Variants in FOCAD observed in about 807,000 individuals in gnomAD.
FOCAD encodes the protein KIAA1797.
In FOCAD, 198 loss-of-function variants were observed where a neutral mutation model predicts 225.6. The ratio of observed to expected loss-of-function variants is 0.88; its 90% CI spans 0.78 to 0.99. The LOEUF (loss-of-function observed/expected upper bound fraction) is 0.99, where lower values mean the gene tolerates loss of function less well. Among genes scored for constraint, FOCAD ranks in the 50% least tolerant of loss-of-function variants. The probability of loss-of-function intolerance (pLI) is 0.00; values close to 1 mark genes in which losing one functional copy is unlikely to be tolerated. For missense variants in FOCAD, 2,713 were observed against 2,123.6 expected (o/e 1.28, Z -5.46); for synonymous variants, 897 against 755.0 (o/e 1.19, Z -3.08).
chr9:20,822,210 G>C (rs1232075292), intron 14 of FOCAD, among the ~76,000 whole-genome samples: 1 of 151,824 alleles, frequency 6.6e-6, no homozygotes, highest in Non-Finnish European at 1.5e-5. Context: ...ATTCCTTTCA[G>C]TTACTACCTC....
At chr9:20,830,724 C>G (rs1587334950) in intron 15 of FOCAD, among the ~76,000 whole-genome samples, 1 of 152,170 alleles carries the variant, frequency 6.6e-6, no homozygotes, top group South Asian at 2.1e-4. Flanking sequence ...GACGGCCATG[C>G]TGGAGTGCAG....
chr9:20,941,216 C>T (rs934143460), intron 28 of FOCAD, among the ~76,000 whole-genome samples: 2 of 152,116 alleles, frequency 1.3e-5, no homozygotes, highest in East Asian at 3.8e-4. Context: ...TGAAAGAACC[C>T]GCACACCTGG....
intron 15 of FOCAD, among the ~76,000 whole-genome samples, chr9:20,858,250 T>C (rs1342255498): frequency 6.6e-6 from 1 of 152,132 alleles, no homozygotes; most frequent in Non-Finnish European, 1.5e-5. Flanking sequence ...AACTTTGTTA[T>C]GGCTGCAATC....
chr9:20,989,316 CTCTT>C (rs1346126396), intron 41 of FOCAD, among the ~76,000 whole-genome samples: 1 of 152,216 alleles, frequency 6.6e-6, no homozygotes, highest in Non-Finnish European at 1.5e-5. Context: ...GTGATCTGTC[CTCTT>C]TCTTCTGATT....
chr9:20,795,051 A>G (rs1368631890), intron 11 of FOCAD, among the ~76,000 whole-genome samples: 2 of 152,228 alleles, frequency 1.3e-5, no homozygotes, highest in Non-Finnish European at 1.5e-5. Context: ...GTAAAATATA[A>G]AATAGGATAA....
intron 2 of FOCAD, among the ~76,000 whole-genome samples, chr9:20,660,779 A>G (rs1344828672): frequency 6.6e-6 from 1 of 152,158 alleles, no homozygotes; most frequent in Non-Finnish European, 1.5e-5. Flanking sequence ...TTTGAGGGAG[A>G]AGGATCAGAA....
At chr9:20,767,749 C>T (rs370060027) in intron 7 of FOCAD, among the ~76,000 whole-genome samples, 48 of 145,844 alleles carry the variant, frequency 3.3e-4, no homozygotes, top group Admixed American at 4.1e-4. Context: ...GAGTAGGTTG[C>T]GAAAATTTTC....
At chr9:20,967,703 A>G (rs751044200) in intron 35 of FOCAD, among the ~76,000 whole-genome samples, 16 of 152,056 alleles carry the variant, frequency 1.1e-4, no homozygotes, top group Non-Finnish European at 1.9e-4. Flanking sequence ...GTGTTTGTCA[A>G]TGATTTTTCT....
upstream of FOCAD, among the ~76,000 whole-genome samples, chr9:20,657,142 G>T (rs1361171814): frequency 5.3e-5 from 8 of 152,248 alleles, no homozygotes; most frequent in East Asian, 1.5e-3. Context: ...TCTGCCGAGA[G>T]ATCCGCTGTT....
intron 6 of FOCAD, among the ~76,000 whole-genome samples, chr9:20,764,171 A>C (rs180773432): frequency 6.6e-6 from 1 of 152,080 alleles, no homozygotes; most frequent in African/African-American, 2.4e-5. Context: ...GTAGATCCTC[A>C]CCTGTAGAGT....
At position 20,820,965 on chromosome 9, in the gene FOCAD, C is replaced by A; in HGVS notation, c.1687C>A (p.Arg563Ser). 1 of 1,612,314 alleles carries A rather than the reference C, an allele frequency of 6.2e-7. No individual in the cohort carries two copies. The highest frequency in any genetic ancestry group is 8.5e-7 in the Non-Finnish European group (1 of 1,178,944). Residue 563 changes from arginine to serine, a missense_variant, in exon 14 of 44, where the codon CGT becomes AGT. Transcript: ENST00000338382. ...GGACCGAGTCTATCCTGAACTGCAGCGTTTCATGGCTGTGTCTGATGTACC... is the reference window on the plus strand; with the variant it reads ...GGACCGAGTCTATCCTGAACTGCAGAGTTTCATGGCTGTGTCTGATGTACC... ...KQDRVYPELQ[R>S]FMAVSDVPSL...
At chr9:20,797,711 T>C (rs1821284494) in intron 11 of FOCAD, among the ~76,000 whole-genome samples, 1 of 152,210 alleles carries the variant, frequency 6.6e-6, no homozygotes, top group African/African-American at 2.4e-5. Flanking sequence ...CCTGAGACTT[T>C]GCTGAAGTTG....
At chr9:20,902,656 C>A (rs1170230028) in intron 21 of FOCAD, among the ~76,000 whole-genome samples, 1 of 151,788 alleles carries the variant, frequency 6.6e-6, no homozygotes, top group Admixed American at 6.6e-5. Context: ...GTTACTAGAT[C>A]ATAGTAATCT....
rs1013430885 is a variant in FOCAD at position 20,745,319 on chromosome 9, A to G, written c.392+4979A>G. On this transcript the variant is annotated intron_variant, in intron 5 of 43. Coordinates refer to ENST00000338382, the MANE Select transcript of FOCAD (RefSeq NM_001375567.1). ...TGTCCAGGCTGGTCTTGAACTCCTGAGCTCAAGCGATCCACCTGCTTCGGC... is the reference window on the plus strand; with the variant it reads ...TGTCCAGGCTGGTCTTGAACTCCTGGGCTCAAGCGATCCACCTGCTTCGGC... Among the ~76,000 whole-genome samples the G allele has an allele frequency of 4.6e-5, 7 of 152,106 alleles. No homozygotes were observed. The South Asian group carries it at 1.5e-3, about 32-fold the overall frequency.
chr9:20,774,290 C>G (rs558580489), intron 8 of FOCAD, among the ~76,000 whole-genome samples: 14 of 152,216 alleles, frequency 9.2e-5, no homozygotes, highest in South Asian at 2.1e-4. Flanking sequence ...TTTTTTGTTT[C>G]CAAGACTACA....
At position 20,976,300 on chromosome 9, in the gene FOCAD, G is replaced by A. The variant is rs567168777; in HGVS notation, c.4133-120G>A. On this transcript the variant is annotated intron_variant, in intron 35 of 43. Transcript: ENST00000338382. ...AGAGCACAGAATTGAAGCGTTGATCGCAATTGAATATGTGATATCAGATCC... is the reference window on the plus strand; with the variant it reads ...AGAGCACAGAATTGAAGCGTTGATCACAATTGAATATGTGATATCAGATCC... The A allele has an allele frequency of 1.4e-4, 127 of 882,470 alleles. No homozygotes were observed. In the African/African-American group the frequency reaches 1.7e-3, roughly 12 times the overall value. 54.7% of individuals were successfully genotyped at this position (882,470 alleles called of 1,614,324 possible). A position where few individuals can be genotyped will look rare whatever the true frequency, so the allele number is the denominator to read the frequency against.
intron 21 of FOCAD, among the ~76,000 whole-genome samples, chr9:20,894,910 T>C (rs1421052770): frequency 6.6e-6 from 1 of 152,078 alleles, no homozygotes; most frequent in Non-Finnish European, 1.5e-5. Flanking sequence ...AAGCCTAACA[T>C]TATAGATATT....
chr9:20,821,996 TAAAAA>T (rs58640962), intron 14 of FOCAD, among the ~76,000 whole-genome samples: 12 of 49,296 alleles, frequency 2.4e-4, no homozygotes, highest in Admixed American at 6.0e-4. Context: ...TAAAAGTTAC[TAAAAA>T]AAAAAAAAAA....
chr9:20,859,035 T>G (rs766960833), intron 15 of FOCAD, among the ~76,000 whole-genome samples: 4 of 152,094 alleles, frequency 2.6e-5, no homozygotes, highest in Non-Finnish European at 4.4e-5. Context: ...TTTCATTTGC[T>G]CCTCAGCACT....
Sources: gnomAD v4.1 joint callset for allele counts (sites outside exome capture counted in the v4.1 genomes callset) on GRCh38, gnomAD v4.1.1 for gene constraint, MANE v1.5 for transcripts, NCBI Gene and HGNC (gene_info 2026-07-23, HGNC 2026-07-21) for gene names.